PIK3CB: variants seen among roughly 807,000 people sequenced by gnomAD.
The protein encoded by PIK3CB is phosphatidylinositol-4,5-bisphosphate 3-kinase catalytic subunit beta.
Under a neutral mutation model 136.8 loss-of-function variants are expected in PIK3CB, and 39 were observed. That is an observed-to-expected ratio of 0.29 (90% CI 0.22 to 0.37). The LOEUF (loss-of-function observed/expected upper bound fraction) is 0.37. Among genes scored for constraint, PIK3CB ranks in the 10% least tolerant of loss-of-function variants. The pLI, the probability that PIK3CB is intolerant of heterozygous loss-of-function variation, is 1.00. For missense variants in PIK3CB, 868 were observed against 1,275.4 expected, an observed-to-expected ratio of 0.68 and a Z score of 4.87; for synonymous variants, 428 against 436.6, an observed-to-expected ratio of 0.98 and a Z score of 0.25.
chr3:138,773,018 C>T (rs185939195), intron 2 of PIK3CB, among the ~76,000 whole-genome samples: 37 of 151,856 alleles, frequency 2.4e-4, no homozygotes, highest in African/African-American at 7.5e-4. Context: ...GAACTCCTAA[C>T]GTCAAGAGAT....
chr3:138,744,546 C>A (rs966149784), intron 4 of PIK3CB, among the ~76,000 whole-genome samples: 18 of 150,904 alleles, frequency 1.2e-4, no homozygotes, highest in African/African-American at 4.1e-4. Flanking sequence ...GAAGGAGGTA[C>A]AAGGGGAGGC....
chr3:138,824,522 C>T (rs1158934314), intron 1 of PIK3CB, among the ~76,000 whole-genome samples: 3 of 151,968 alleles, frequency 2.0e-5, no homozygotes, highest in Non-Finnish European at 4.4e-5. Flanking sequence ...TGGCCGGGCG[C>T]GGTGGCTCAT....
At chr3:138,768,808 A>T (rs2045765161) in intron 2 of PIK3CB, among the ~76,000 whole-genome samples, 1 of 152,220 alleles carries the variant, frequency 6.6e-6, no homozygotes, top group African/African-American at 2.4e-5. Flanking sequence ...ATGTGACAAC[A>T]CTTGGGCTTG....
At chr3:138,809,835 A>T (rs1407986431) in intron 1 of PIK3CB, among the ~76,000 whole-genome samples, 1 of 152,164 alleles carries the variant, frequency 6.6e-6, no homozygotes, top group African/African-American at 2.4e-5. Context: ...AGAGCTTAGA[A>T]GCAGATACCC....
At chr3:138,811,191 C>T (rs934310174) in intron 1 of PIK3CB, among the ~76,000 whole-genome samples, 2 of 125,122 alleles carry the variant, frequency 1.6e-5, no homozygotes, top group Admixed American at 2.1e-4. Flanking sequence ...TGCAGTGAGC[C>T]GAGATTGCAC....
chr3:138,824,510 T>TA (rs1460869585), intron 1 of PIK3CB, among the ~76,000 whole-genome samples: 1 of 151,912 alleles, frequency 6.6e-6, no homozygotes, highest in Non-Finnish European at 1.5e-5. Flanking sequence ...AATAAGGAGA[T>TA]ATGGCCGGGC....
At chr3:138,758,735 T>G (rs368148086) in intron 3 of PIK3CB, among the ~76,000 whole-genome samples, 3 of 152,208 alleles carry the variant, frequency 2.0e-5, no homozygotes, top group Non-Finnish European at 4.4e-5. Context: ...AACAAGTTCA[T>G]GTATATGCTG....
At chr3:138,666,735 A>G (rs1291478679) in intron 19 of PIK3CB, among the ~76,000 whole-genome samples, 2 of 152,212 alleles carry the variant, frequency 1.3e-5, no homozygotes, top group African/African-American at 4.8e-5. Context: ...CACTCAGTAA[A>G]TACTCGGGTA....
intron 1 of PIK3CB, among the ~76,000 whole-genome samples, chr3:138,827,431 G>T (rs1933829890): frequency 6.6e-6 from 1 of 151,926 alleles, no homozygotes; most frequent in Admixed American, 6.6e-5. Context: ...AAGGCAGGAA[G>T]ATGGCTTGAG....
chr3:138,783,169 A>G (rs1366987370), intron 2 of PIK3CB, among the ~76,000 whole-genome samples: 2 of 152,236 alleles, frequency 1.3e-5, no homozygotes, highest in Admixed American at 6.5e-5. Flanking sequence ...AAATGAACAT[A>G]TCGACAGCTC....
At chr3:138,745,300 C>T (rs2045331025) in intron 4 of PIK3CB, among the ~76,000 whole-genome samples, 1 of 151,968 alleles carries the variant, frequency 6.6e-6, no homozygotes, top group Non-Finnish European at 1.5e-5. Flanking sequence ...TGGCCACGGG[C>T]ATCATCCAAT....
chr3:138,816,576 A>G (rs895312256), intron 1 of PIK3CB, among the ~76,000 whole-genome samples: 1 of 150,716 alleles, frequency 6.6e-6, no homozygotes, highest in African/African-American at 2.4e-5. Context: ...GCCTGGGGAC[A>G]AGAGTGAGAG....
chr3:138,682,416 G>A (rs530612285), intron 18 of PIK3CB, among the ~76,000 whole-genome samples: 9 of 152,222 alleles, frequency 5.9e-5, no homozygotes, highest in South Asian at 2.1e-4. Flanking sequence ...GATTCACTGC[G>A]CAAAGCACAG....
intron 4 of PIK3CB, among the ~76,000 whole-genome samples, chr3:138,754,205 G>C (rs552624956): frequency 6.6e-6 from 1 of 152,208 alleles, no homozygotes; most frequent in Non-Finnish European, 1.5e-5. Context: ...TGAAGGCTGA[G>C]GCAGGCAGAC....
chr3:138,788,428 G>C (rs761127841), intron 2 of PIK3CB, among the ~76,000 whole-genome samples: 1 of 151,298 alleles, frequency 6.6e-6, no homozygotes, highest in Admixed American at 6.6e-5. Context: ...AGACCGAGGC[G>C]GGCAGATCAC....
intron 6 of PIK3CB, 147 bp from the exon 7 acceptor site, chr3:138,734,951 A>ATT (rs1559849828): frequency 5.4e-4 from 160 of 296,424 alleles, no homozygotes; most frequent in East Asian, 1.9e-3. Context: ...AAAAAAAAAA[A>ATT]ATTTTTTTTT....
At chr3:138,723,526 G>C (rs2044776892) in intron 8 of PIK3CB, among the ~76,000 whole-genome samples, 1 of 152,018 alleles carries the variant, frequency 6.6e-6, no homozygotes, top group South Asian at 2.1e-4. Context: ...CTCCAGCCTG[G>C]GTGACAGAGC....
At chr3:138,765,286 C>T (rs944958968) in intron 2 of PIK3CB, among the ~76,000 whole-genome samples, 13 of 152,008 alleles carry the variant, frequency 8.6e-5, no homozygotes, top group African/African-American at 2.4e-4. Flanking sequence ...CACTGCACTC[C>T]GGCCTGGATG....
chr3:138,662,151 T>C (rs2043308678), intron 21 of PIK3CB, among the ~76,000 whole-genome samples: 1 of 151,168 alleles, frequency 6.6e-6, no homozygotes, highest in Non-Finnish European at 1.5e-5. Context: ...AGGGTACATG[T>C]GCACAATGTG....
Sources: gnomAD v4.1 joint callset for allele counts (sites outside exome capture counted in the v4.1 genomes callset) on GRCh38, gnomAD v4.1.1 for gene constraint, MANE v1.5 for transcripts, NCBI Gene and HGNC (gene_info 2026-07-23, HGNC 2026-07-21) for gene names.